STEAP1B: variants seen among roughly 807,000 people sequenced by gnomAD.
The protein encoded by STEAP1B is STEAP family member 1B.
In STEAP1B, 13 loss-of-function variants were observed where a neutral mutation model predicts 27.9. The ratio of observed to expected loss-of-function variants is 0.47; its 90% CI spans 0.30 to 0.74. The LOEUF (loss-of-function observed/expected upper bound fraction) is 0.74, where lower values mean the gene tolerates loss of function less well. Among genes scored for constraint, STEAP1B ranks in the 30% least tolerant of loss-of-function variants. STEAP1B has a pLI of 0.06. For synonymous variants in STEAP1B, 86 were observed against 107.1 expected, an observed-to-expected ratio of 0.80 and a Z score of 1.22; for missense variants, 250 against 298.7, an observed-to-expected ratio of 0.84 and a Z score of 1.20.
At position 22,443,628 on chromosome 7, in the gene STEAP1B, A is replaced by G. The variant is rs113719217; in HGVS notation, c.763-23792T>C. On this transcript the variant is annotated intron_variant, in intron 4 of 4. Coordinates refer to ENST00000678116, the MANE Select transcript of STEAP1B (RefSeq NM_001382447.1). The stretch of plus-strand genomic sequence containing the variant: ...AAGAAACATAACTTCCGCCACTGCT[A>G]TGCCCTTTGCACACTGTACATAGTC... 2.4e-3 allele frequency among the ~76,000 whole-genome samples: 373 copies of G among 152,348 alleles called. 1 individual carries two copies. The highest frequency in any genetic ancestry group is 8.5e-3 in the African/African-American group (352 of 41,586).
At chr7:22,456,952 C>CTATATATATATATATATA (rs199847360) in intron 4 of STEAP1B, among the ~76,000 whole-genome samples, 35 of 73,198 alleles carry the variant, frequency 4.8e-4, no homozygotes, top group Non-Finnish European at 5.3e-4. Context: ...GGATAGGCAG[C>CTATATATATATATATATA]TATATATATA....
intron 4 of STEAP1B, among the ~76,000 whole-genome samples, chr7:22,449,152 C>T (rs1785449574): frequency 6.6e-6 from 1 of 152,176 alleles, no homozygotes; most frequent in Admixed American, 6.6e-5. Context: ...TCCGATTACA[C>T]TCTTTCAGAT....
intron 4 of STEAP1B, among the ~76,000 whole-genome samples, chr7:22,480,381 G>A (rs1786047640): frequency 1.3e-5 from 2 of 152,202 alleles, no homozygotes; most frequent in South Asian, 4.1e-4. Flanking sequence ...CAGTCTGTGA[G>A]CGGCAGCGCC....
At chr7:22,482,084 T>A (rs1479029871) in intron 4 of STEAP1B, among the ~76,000 whole-genome samples, 1 of 152,330 alleles carries the variant, frequency 6.6e-6, no homozygotes, top group Middle Eastern at 3.4e-3. Flanking sequence ...GGTCCTCAGA[T>A]TCCCAGAGTC....
chr7:22,482,274 G>A (rs764313057), intron 4 of STEAP1B, among the ~76,000 whole-genome samples: 1 of 152,192 alleles, frequency 6.6e-6, no homozygotes, highest in Non-Finnish European at 1.5e-5. Context: ...TATGCTCTCA[G>A]GAGAAGGGGC....
intron 3 of STEAP1B, 83 bp from the exon 4 acceptor site, chr7:22,492,812 T>C: frequency 6.7e-7 from 1 of 1,502,022 alleles, no homozygotes; most frequent in Non-Finnish European, 8.8e-7. Context: ...CTCTTCCCTG[T>C]GTGTACTATG....
intron 4 of STEAP1B, among the ~76,000 whole-genome samples, chr7:22,434,152 T>A (rs920278386): frequency 1.3e-5 from 2 of 152,182 alleles, no homozygotes; most frequent in African/African-American, 4.8e-5. Flanking sequence ...GATGACCTCA[T>A]TCCAAAGATC....
intron 4 of STEAP1B, among the ~76,000 whole-genome samples, chr7:22,437,840 C>T (rs1461103101): frequency 6.6e-6 from 1 of 152,152 alleles, no homozygotes; most frequent in Admixed American, 6.5e-5. Context: ...ATTTGCGTAA[C>T]TCTGATAATT....
intron 4 of STEAP1B, among the ~76,000 whole-genome samples, chr7:22,433,293 C>T (rs991308713): frequency 1.3e-5 from 2 of 148,998 alleles, no homozygotes; most frequent in African/African-American, 2.5e-5. Context: ...CCCTTCCACC[C>T]CCTCCACATA....
intron 4 of STEAP1B, among the ~76,000 whole-genome samples, chr7:22,487,234 G>A (rs1321706920): frequency 6.6e-6 from 1 of 151,924 alleles, no homozygotes; most frequent in Non-Finnish European, 1.5e-5. Context: ...AGGAGTTTGG[G>A]GCTGCAGTGA....
intron 4 of STEAP1B, among the ~76,000 whole-genome samples, chr7:22,449,694 G>GT (rs1282080886): frequency 2.0e-5 from 3 of 152,142 alleles, no homozygotes; most frequent in Non-Finnish European, 4.4e-5. Context: ...TGGTAGCTCT[G>GT]TTTTTAGTTT....
intron 4 of STEAP1B, among the ~76,000 whole-genome samples, chr7:22,487,759 C>T (rs1437491280): frequency 1.4e-5 from 2 of 143,864 alleles, no homozygotes; most frequent in African/African-American, 2.6e-5. Flanking sequence ...GAACCAAGAT[C>T]GCACCATTGC....
intron 4 of STEAP1B, among the ~76,000 whole-genome samples, chr7:22,452,671 G>A (rs867052444): frequency 1.8e-4 from 27 of 152,116 alleles, no homozygotes; most frequent in Non-Finnish European, 1.5e-5. Context: ...GCTGGGTCCT[G>A]AGCGAACTCC....
intron 4 of STEAP1B, among the ~76,000 whole-genome samples, chr7:22,420,838 T>G (rs1236541582): frequency 1.3e-5 from 2 of 152,196 alleles, no homozygotes; most frequent in African/African-American, 4.8e-5. Context: ...AACAACCCTG[T>G]GAAGAAGGCA....
At chr7:22,440,493 C>G (rs972482566) in intron 4 of STEAP1B, among the ~76,000 whole-genome samples, 2 of 152,054 alleles carry the variant, frequency 1.3e-5, no homozygotes, top group Non-Finnish European at 2.9e-5. Context: ...TAAAGTTATT[C>G]AGGCTGAAAT....
rs572140626 is a variant in STEAP1B at position 22,462,314 on chromosome 7, C to T, written c.762+30251G>A. On this transcript the variant is annotated intron_variant, in intron 4 of 4. Transcript: ENST00000678116. ...GTTACATATGTATACATGTGCCATG[C>T]TGGTGTGCTGCACCCACTAACTCGT... is the stretch of plus-strand genomic sequence containing the variant. Among the ~76,000 whole-genome samples, 990 of 147,656 alleles carry T rather than the reference C, an allele frequency of 6.7e-3. 8 individuals are homozygous for T. Among genetic ancestry groups the T allele is most frequent in the South Asian group, 0.022 (97 of 4,458 alleles).
At position 22,493,312 on chromosome 7, in the gene STEAP1B, T is replaced by C. The variant is rs1391237132; in HGVS notation, c.597+12A>G. The C allele has an allele frequency of 1.2e-5, 19 of 1,600,852 alleles. No homozygotes were observed. Among genetic ancestry groups the C allele is most frequent in the African/African-American group, 8.1e-5 (6 of 74,386 alleles). On this transcript the variant is annotated intron_variant, in intron 3 of 4. Coordinates refer to ENST00000678116, the MANE Select transcript of STEAP1B (RefSeq NM_001382447.1). Reference sequence around the variant, plus strand: ...CTTTTTATTAGTAACAGTGACATCATTGTCATCTCACCTGTTGATATGCCC... The same window carrying C: ...CTTTTTATTAGTAACAGTGACATCACTGTCATCTCACCTGTTGATATGCCC...
chr7:22,495,594 T>A (rs1299764013), intron 1 of STEAP1B: 1 of 152,208 alleles, frequency 6.6e-6, no homozygotes, highest in African/African-American at 2.4e-5. Flanking sequence ...AGAAAACATA[T>A]GTCACAGTAC....
chr7:22,466,144 C>G (rs1339282700), intron 4 of STEAP1B, among the ~76,000 whole-genome samples: 1 of 152,182 alleles, frequency 6.6e-6, no homozygotes, highest in Non-Finnish European at 1.5e-5. Flanking sequence ...TTTTGGCTCA[C>G]AGTGCTAAAA....
Sources: allele counts gnomAD v4.1 joint callset (sites outside exome capture counted in the v4.1 genomes callset), GRCh38; gene constraint gnomAD v4.1.1; transcripts MANE v1.5; gene names NCBI Gene and HGNC (gene_info 2026-07-23, HGNC 2026-07-21).